MYO5B: variants seen among roughly 807,000 people sequenced by gnomAD.
MYO5B encodes the protein unconventional myosin-Vb.
MYO5B carries 143 observed loss-of-function variants against 229.3 expected under a neutral mutation model. That is an observed-to-expected ratio of 0.62 (90% CI 0.54 to 0.72). MYO5B has a LOEUF of 0.72. Among genes scored for constraint, MYO5B ranks in the 30% least tolerant of loss-of-function variants. The pLI is 0.00. For missense variants in MYO5B, 2,321 were observed against 2,331.0 expected, an observed-to-expected ratio of 1.00 and a Z score of 0.09; for synonymous variants, 918 against 885.2, an observed-to-expected ratio of 1.04 and a Z score of -0.66.
At chr18:50,158,905 A>C (rs1444372337) in intron 1 of MYO5B, among the ~76,000 whole-genome samples, 1 of 152,160 alleles carries the variant, frequency 6.6e-6, no homozygotes, top group Non-Finnish European at 1.5e-5. Flanking sequence ...AGTCCTCTAG[A>C]TTAAACATGA....
intron 1 of MYO5B, among the ~76,000 whole-genome samples, chr18:50,119,594 C>T (rs1399206934): frequency 1.3e-5 from 2 of 152,128 alleles, no homozygotes; most frequent in Non-Finnish European, 2.9e-5. Flanking sequence ...GGAGCTTTCC[C>T]GAAGTCCCAG....
rs185687048 is a variant in MYO5B at position 50,054,851 on chromosome 18, G to A, written c.138+417C>T. Among the ~76,000 whole-genome samples, 52 of 152,256 alleles carry A rather than the reference G, an allele frequency of 3.4e-4. 1 individual carries two copies. The highest frequency in any genetic ancestry group is 3.4e-3 in the Admixed American group (52 of 15,300). The stretch of plus-strand genomic sequence containing the variant: ...GAAGTAACAAGCACAGAAAGATTGT[G>A]AACTGATATAAGGTCACAAAACTAG... On this transcript the variant is annotated intron_variant, in intron 2 of 39. Transcript: ENST00000285039.
At chr18:49,967,578 G>C (rs1267279141) in intron 10 of MYO5B, among the ~76,000 whole-genome samples, 1 of 152,218 alleles carries the variant, frequency 6.6e-6, no homozygotes, top group African/African-American at 2.4e-5. Context: ...ATGATTATTA[G>C]AAGTCACACA....
Position 49,911,635 on chromosome 18 carries a change from G to C in MYO5B, c.2202+427C>G, listed in dbSNP as rs998812525. Among the ~76,000 whole-genome samples the C allele has an allele frequency of 2.0e-5, 3 of 152,312 alleles. No individual in the cohort carries two copies. The South Asian group carries it at 6.2e-4, about 32-fold the overall frequency. ...TGTTAACTAATCTTACTGAATAAATGCAAGTCTGATCAGGGCCCAGTCACA... is the reference window on the plus strand; with the variant it reads ...TGTTAACTAATCTTACTGAATAAATCCAAGTCTGATCAGGGCCCAGTCACA... On this transcript the variant is annotated intron_variant, in intron 18 of 39. Coordinates refer to ENST00000285039, the MANE Select transcript of MYO5B (RefSeq NM_001080467.3).
chr18:50,069,905 A>T (rs2030912023), intron 1 of MYO5B, among the ~76,000 whole-genome samples: 1 of 152,144 alleles, frequency 6.6e-6, no homozygotes, highest in Admixed American at 6.5e-5. Flanking sequence ...TCAGGCACCT[A>T]GAACATGCCA....
chr18:49,946,876 A>G (rs963282925), intron 14 of MYO5B, among the ~76,000 whole-genome samples: 1 of 152,204 alleles, frequency 6.6e-6, no homozygotes, highest in Non-Finnish European at 1.5e-5. Context: ...TATAAACTCA[A>G]ATGAACATAA....
chr18:50,159,034 A>C (rs1045382449), intron 1 of MYO5B, among the ~76,000 whole-genome samples: 1 of 152,212 alleles, frequency 6.6e-6, no homozygotes, highest in African/African-American at 2.4e-5. Context: ...TCATGCATGA[A>C]GACTAACAAC....
chr18:50,173,221 C>CA (rs1239819269), intron 1 of MYO5B, among the ~76,000 whole-genome samples: 1 of 151,044 alleles, frequency 6.6e-6, no homozygotes, highest in Non-Finnish European at 1.5e-5. Context: ...GCCAAGATCA[C>CA]ACCACTGCAC....
At chr18:50,066,619 T>C (rs1341463555) in intron 1 of MYO5B, among the ~76,000 whole-genome samples, 1 of 152,192 alleles carries the variant, frequency 6.6e-6, no homozygotes. Flanking sequence ...AATTCTAGGA[T>C]ATCAGAAGGA....
chr18:49,925,501 G>C (rs2025119490), intron 17 of MYO5B, among the ~76,000 whole-genome samples: 1 of 152,246 alleles, frequency 6.6e-6, no homozygotes, highest in Non-Finnish European at 1.5e-5. Flanking sequence ...ATTTGGCTCA[G>C]AAGAAATCTC....
At chr18:50,100,862 C>T (rs2031641209) in intron 1 of MYO5B, among the ~76,000 whole-genome samples, 1 of 152,222 alleles carries the variant, frequency 6.6e-6, no homozygotes, top group Non-Finnish European at 1.5e-5. Context: ...CTGGAGCCAG[C>T]AGCATCACCC....
chr18:50,026,916 CTG>C (rs542067948), intron 4 of MYO5B, among the ~76,000 whole-genome samples: 2 of 152,250 alleles, frequency 1.3e-5, no homozygotes, highest in South Asian at 4.1e-4. Context: ...CACACAGCTA[CTG>C]TGTTTTAAGA....
chr18:49,948,981 G>A (rs2025404068), intron 14 of MYO5B, among the ~76,000 whole-genome samples: 1 of 152,188 alleles, frequency 6.6e-6, no homozygotes, highest in African/African-American at 2.4e-5. Context: ...TGAGTTTGTT[G>A]GAAAATTAAT....
chr18:50,056,680 C>A (rs1469774654), intron 1 of MYO5B, among the ~76,000 whole-genome samples: 1 of 151,992 alleles, frequency 6.6e-6, no homozygotes, highest in Non-Finnish European at 1.5e-5. Context: ...CACCTGTGCA[C>A]ATGCGGCCAG....
At chr18:49,970,346 G>A (rs765662200) in intron 10 of MYO5B, among the ~76,000 whole-genome samples, 17 of 152,188 alleles carry the variant, frequency 1.1e-4, no homozygotes, top group Admixed American at 2.0e-4. Context: ...GGAGCAAGAT[G>A]TAGGGAAGCT....
chr18:49,872,447 C>G (rs944348739), intron 26 of MYO5B, among the ~76,000 whole-genome samples: 1 of 152,120 alleles, frequency 6.6e-6, no homozygotes. Flanking sequence ...CTGTCCCCAC[C>G]CCCACTTTCA....
intron 2 of MYO5B, among the ~76,000 whole-genome samples, chr18:50,040,858 A>G (rs1270906951): frequency 2.0e-5 from 3 of 152,224 alleles, no homozygotes; most frequent in Non-Finnish European, 2.9e-5. Flanking sequence ...AGTTTGAGAC[A>G]TATGTGCATA....
At chr18:50,075,415 C>T (rs1159543314) in intron 1 of MYO5B, among the ~76,000 whole-genome samples, 1 of 152,098 alleles carries the variant, frequency 6.6e-6, no homozygotes, top group Non-Finnish European at 1.5e-5. Flanking sequence ...CTATCATTGC[C>T]CTTCTTCATA....
chr18:50,189,565 A>T (rs1317770266), intron 1 of MYO5B, among the ~76,000 whole-genome samples: 2 of 152,146 alleles, frequency 1.3e-5, no homozygotes, highest in Non-Finnish European at 2.9e-5. Flanking sequence ...GGTGCTGGCT[A>T]TTGGGAGTGA....
Sources: gnomAD v4.1 joint callset for allele counts (sites outside exome capture counted in the v4.1 genomes callset) on GRCh38, gnomAD v4.1.1 for gene constraint, MANE v1.5 for transcripts, NCBI Gene and HGNC (gene_info 2026-07-23, HGNC 2026-07-21) for gene names.